ANKRD17: variants seen among roughly 807,000 people sequenced by gnomAD.
ANKRD17 encodes the protein ankyrin repeat domain-containing protein 17.
Under a neutral mutation model 229.7 loss-of-function variants are expected in ANKRD17, and 19 were observed. The observed-to-expected ratio is 0.08, with a 90% CI of 0.06 to 0.12. ANKRD17 has a LOEUF of 0.12. ANKRD17 is among the 10% of genes least tolerant of loss of function. ANKRD17 has a pLI of 1.00. For synonymous variants in ANKRD17, 1,112 were observed against 1,146.1 expected, an observed-to-expected ratio of 0.97 and a Z score of 0.60; for missense variants, 2,176 against 3,176.8, an observed-to-expected ratio of 0.68 and a Z score of 7.57.
chr4:73,149,007 G>A lies in ANKRD17; in HGVS notation c.1373C>T (p.Ala458Val). ...TGAATCAGCAGGCATGTTCACTTGG[G>A]CACCGCTGTCAAGAAGTAACCTAGC... ...EVARLLLDSGAQVNMPADSFE... is the reference protein window; with the variant it reads ...EVARLLLDSGVQVNMPADSFE... The change falls in exon 8 of 34, where the codon GCC becomes GTC. Residue 458 changes from alanine (A) to valine (V), a missense_variant. Ala to Val is a moderately conservative substitution (Grantham distance 64). Coordinates refer to ENST00000358602, the MANE Select transcript of ANKRD17 (RefSeq NM_032217.5). The A allele has an allele frequency of 6.2e-7, 1 of 1,612,886 alleles. No individual in the cohort carries two copies. The highest frequency in any genetic ancestry group is 8.5e-7 in the Non-Finnish European group (1 of 1,179,398).
chr4:73,109,447 G>A (rs148203886), intron 24 of ANKRD17, among the ~76,000 whole-genome samples: 1 of 152,234 alleles, frequency 6.6e-6, no homozygotes, highest in East Asian at 1.9e-4. Flanking sequence ...AGGAGGTGCA[G>A]GTATTGGTGG....
chr4:73,220,193 T>C lies in ANKRD17; in HGVS notation c.393+38083A>G, dbSNP rs551235231. On this transcript the variant is annotated intron_variant, in intron 1 of 33. Transcript: ENST00000358602. ...CATCAAAATTCTAAAATTATAATCA[T>C]GTCTCAGGAAAACATAAACAGAACA... 5.3e-5 allele frequency among the ~76,000 whole-genome samples: 8 copies of C among 152,284 alleles called. No homozygotes were observed. In the South Asian group the frequency reaches 1.4e-3, roughly 28 times the overall value.
At position 73,258,586 on chromosome 4, in the gene ANKRD17, C is replaced by G. The variant is rs1277846418; in HGVS notation, c.83G>C (p.Gly28Ala). The G allele has an allele frequency of 1.2e-5, 18 of 1,469,422 alleles. No homozygotes were observed. In the East Asian group the frequency reaches 1.9e-4, roughly 16 times the overall value. The allele number at this position is 1,469,422 out of a possible 1,614,324, so 91.0% of individuals were successfully genotyped here. ...GCCGACCTCCGCCGCCGCGGGGGGG[C>G]CCGCCACAGCCGCCACCGCCGGGGG... ...GSPPAVAAVA[G>A]PPAAAEVGGG... Residue 28 changes from glycine to alanine, a missense_variant, in exon 1 of 34, where the codon GGC becomes GCC. Physicochemically the swap from Gly to Ala is moderately conservative, Grantham distance 60. Transcript: ENST00000358602.
intron 24 of ANKRD17, among the ~76,000 whole-genome samples, chr4:73,105,132 G>T (rs184543709): frequency 8.4e-4 from 127 of 152,020 alleles, no homozygotes; most frequent in Non-Finnish European, 1.5e-3. Context: ...AAACCTTCTG[G>T]GGGGAGATAC....
intron 1 of ANKRD17, among the ~76,000 whole-genome samples, chr4:73,181,298 T>C (rs1289926992): frequency 6.6e-6 from 1 of 152,224 alleles, no homozygotes; most frequent in East Asian, 1.9e-4. Context: ...AAATGCATGA[T>C]ACCAGCCTTG....
chr4:73,229,828 G>C (rs1190176691), intron 1 of ANKRD17, among the ~76,000 whole-genome samples: 1 of 152,058 alleles, frequency 6.6e-6, no homozygotes, highest in Non-Finnish European at 1.5e-5. Context: ...TAAAGACCCA[G>C]AATTGTTTGG....
chr4:73,079,474 C>G (rs1721330373), intron 30 of ANKRD17, among the ~76,000 whole-genome samples: 1 of 152,054 alleles, frequency 6.6e-6, no homozygotes, highest in South Asian at 2.1e-4. Context: ...CTCACTGCAG[C>G]CTCAAACTCT....
chr4:73,160,981 A>C (rs1732452931), intron 3 of ANKRD17, among the ~76,000 whole-genome samples: 1 of 152,188 alleles, frequency 6.6e-6, no homozygotes, highest in Non-Finnish European at 1.5e-5. Flanking sequence ...TGATTAAGTT[A>C]CTCATCTCTC....
At chr4:73,100,376 C>A (rs1723824319) in intron 25 of ANKRD17, among the ~76,000 whole-genome samples, 1 of 152,036 alleles carries the variant, frequency 6.6e-6, no homozygotes, top group East Asian at 1.9e-4. Context: ...ACCCCCTCCC[C>A]CTGTTCTGTT....
Position 73,142,336 on chromosome 4 carries a change from A to G in ANKRD17, c.2135T>C (p.Val712Ala), listed in dbSNP as rs1333409663. Reference sequence around the variant, plus strand: ...AGGATAATCCAAGAGATAGCAAACAACACTTGTATGGCCACCTTTTGCTGC... The same window carrying G: ...AGGATAATCCAAGAGATAGCAAACAGCACTTGTATGGCCACCTTTTGCTGC... ...IEAAKGGHTS[V>A]VCYLLDYPNN... is the part of the protein sequence containing the mutation. Residue 712 changes from valine to alanine, a missense_variant, in exon 13 of 34, where the codon GTT becomes GCT. Physicochemically the swap from Val to Ala is moderately conservative, Grantham distance 64. Coordinates refer to ENST00000358602, the MANE Select transcript of ANKRD17 (RefSeq NM_032217.5). The G allele has an allele frequency of 6.3e-7, 1 of 1,584,704 alleles. No individual in the cohort carries two copies. Among genetic ancestry groups the G allele is most frequent in the Non-Finnish European group, 8.5e-7 (1 of 1,173,608 alleles).
chr4:73,111,090 G>A (rs905781559), intron 24 of ANKRD17, among the ~76,000 whole-genome samples: 3 of 152,140 alleles, frequency 2.0e-5, no homozygotes, highest in Non-Finnish European at 2.9e-5. Flanking sequence ...TATCCATGAT[G>A]AGTAAGTACA....
chr4:73,201,845 C>T (rs1311953782), intron 1 of ANKRD17, among the ~76,000 whole-genome samples: 1 of 152,068 alleles, frequency 6.6e-6, no homozygotes, highest in Non-Finnish European at 1.5e-5. Context: ...TTTAGGTTTC[C>T]TTAAGACATA....
intron 1 of ANKRD17, among the ~76,000 whole-genome samples, chr4:73,226,054 C>G (rs1742457524): frequency 7.0e-6 from 1 of 142,420 alleles, no homozygotes; most frequent in Non-Finnish European, 1.5e-5. Context: ...CGGCTCACAG[C>G]AACCTCCGTC....
chr4:73,253,952 G>C (rs1745240474), intron 1 of ANKRD17, among the ~76,000 whole-genome samples: 1 of 152,274 alleles, frequency 6.6e-6, no homozygotes, highest in African/African-American at 2.4e-5. Flanking sequence ...CACTAAAAAT[G>C]TTTTGTTTTT....
chr4:73,092,158 T>G lies in ANKRD17; in HGVS notation c.5470A>C (p.Thr1824Pro). The G allele has an allele frequency of 6.2e-7, 1 of 1,614,194 alleles. No homozygotes were observed. Among genetic ancestry groups the G allele is most frequent in the Non-Finnish European group, 8.5e-7 (1 of 1,180,030 alleles). The stretch of plus-strand genomic sequence containing the variant: ...AAGGAAGTGTTAGCAGCAGTGGTGG[T>G]AGGTGCTGATGACCCTATTTTGGAA... ...ANSKIGSSAP[T>P]TTAANTSLMG... The change falls in exon 29 of 34, where the codon ACC (threonine) becomes CCC (proline). Residue 1824 changes from threonine (T) to proline (P), a missense_variant. Coordinates refer to ENST00000358602, the MANE Select transcript of ANKRD17 (RefSeq NM_032217.5).
chr4:73,208,010 A>T (rs1202658815), intron 1 of ANKRD17, among the ~76,000 whole-genome samples: 1 of 152,072 alleles, frequency 6.6e-6, no homozygotes, highest in Non-Finnish European at 1.5e-5. Flanking sequence ...AACACGGTGA[A>T]ACCCCGTTTC....
At chr4:73,229,449 A>G (rs1397064117) in intron 1 of ANKRD17, among the ~76,000 whole-genome samples, 8 of 152,156 alleles carry the variant, frequency 5.3e-5, no homozygotes, top group African/African-American at 1.9e-4. Flanking sequence ...GTTTTAAATC[A>G]TGTATCCAGA....
In ANKRD17 at chr4:73,139,809, A is replaced by G; in HGVS notation, c.2807T>C (p.Leu936Ser). ...AGTCTGCTGGGGTTCATCTTTAAGT[A>G]AAACAGGATCCACTTGCTGTAACCG... ...YARLQQVDPV[L>S]LKDEPQQTAA... Residue 936 changes from leucine (L) to serine (S), a missense_variant, in exon 15 of 34, where the codon TTA becomes TCA. This residue lies in a region of ANKRD17 where 230 missense variants were observed against 252.3 expected (regional missense o/e 0.91). Transcript: ENST00000358602. 1 of 1,614,250 alleles carries G rather than the reference A, an allele frequency of 6.2e-7. No individual in the cohort carries two copies. The highest frequency in any genetic ancestry group is 8.5e-7 in the Non-Finnish European group (1 of 1,180,046).
intron 1 of ANKRD17, among the ~76,000 whole-genome samples, chr4:73,245,681 C>T (rs570197981): frequency 1.3e-5 from 2 of 152,246 alleles, no homozygotes; most frequent in East Asian, 3.9e-4. Flanking sequence ...ACTTGCTCTG[C>T]TTCTCTGGTT....
Sources: allele counts gnomAD v4.1 joint callset (sites outside exome capture counted in the v4.1 genomes callset), GRCh38; gene constraint gnomAD v4.1.1; regional missense constraint gnomAD v4.1.1; transcripts MANE v1.5; gene names NCBI Gene and HGNC (gene_info 2026-07-23, HGNC 2026-07-21).